Variants in NKD1 observed in about 807,000 individuals in gnomAD.
The protein encoded by NKD1 is NKD inhibitor of Wnt signaling pathway 1.
NKD1 carries 21 observed loss-of-function variants against 56.0 expected under a neutral mutation model. The observed-to-expected ratio is 0.38, with a 90% confidence interval of 0.27 to 0.54. The LOEUF (loss-of-function observed/expected upper bound fraction) is 0.54. Ranked by LOEUF, NKD1 falls within the 20% of genes least tolerant of loss-of-function variation. The pLI, the probability that NKD1 is intolerant of heterozygous loss-of-function variation, is 0.82. For synonymous variants in NKD1, 263 were observed against 265.7 expected, an observed-to-expected ratio of 0.99 and a Z score of 0.10; for missense variants, 578 against 642.7, an observed-to-expected ratio of 0.90 and a Z score of 1.09.
chr16:50,626,411 G>A (rs1022616127), intron 6 of NKD1, among the ~76,000 whole-genome samples: 2 of 152,116 alleles, frequency 1.3e-5, no homozygotes, highest in Admixed American at 1.3e-4. Context: ...ACAGAGACTG[G>A]CTGGAAGGTC....
intron 6 of NKD1, among the ~76,000 whole-genome samples, chr16:50,627,852 C>T (rs1172111957): frequency 1.3e-5 from 2 of 152,222 alleles, no homozygotes; most frequent in Non-Finnish European, 2.9e-5. Context: ...GATCACACAC[C>T]AGGGCTCCAG....
intron 5 of NKD1, among the ~76,000 whole-genome samples, chr16:50,622,926 G>A (rs1480557956): frequency 6.6e-6 from 1 of 152,132 alleles, no homozygotes; most frequent in Non-Finnish European, 1.5e-5. Flanking sequence ...GGGGTGTGGG[G>A]TAACGGACAC....
intron 3 of NKD1, among the ~76,000 whole-genome samples, chr16:50,592,699 T>C (rs1961394752): frequency 6.6e-6 from 1 of 151,658 alleles, no homozygotes; most frequent in Admixed American, 6.6e-5. Context: ...GGATGGCTTC[T>C]CTGAGACTGG....
chr16:50,625,687 CT>C (rs1028859378), intron 6 of NKD1, 107 bp downstream of exon 6: 1 of 733,458 alleles, frequency 1.4e-6, no homozygotes, highest in Admixed American at 2.1e-5. Flanking sequence ...GGTCCTGCCC[CT>C]CAGGGAAGGC....
Position 50,636,773 on chromosome 16 carries a change from A to C in NKD1, c.*2992A>C, listed in dbSNP as rs1962477106. 1 of 152,254 alleles carries C rather than the reference A, an allele frequency of 6.6e-6. No individual in the cohort carries two copies. The highest frequency in any genetic ancestry group is 1.5e-5 in the Non-Finnish European group (1 of 68,050). 9.4% of individuals were successfully genotyped at this position (152,254 alleles called of 1,614,324 possible). ...AATTTTTAAAGTATTTCAAACACAA[A>C]GTTTGAAACAGAAAATTGTGTAACA... is the stretch of plus-strand genomic sequence containing the variant. On this transcript the variant is annotated 3_prime_UTR_variant, in exon 10 of 10. Coordinates refer to ENST00000268459, the MANE Select transcript of NKD1 (RefSeq NM_033119.5).
intron 4 of NKD1, among the ~76,000 whole-genome samples, chr16:50,614,428 C>T (rs1223107656): frequency 6.6e-6 from 1 of 152,066 alleles, no homozygotes; most frequent in Non-Finnish European, 1.5e-5. Flanking sequence ...CGCTCGCTGC[C>T]CCTCTCTCTC....
In NKD1 at chr16:50,632,045, A is replaced by G. The variant is rs944540797; in HGVS notation, c.696-236A>G. ...GAGCAAAACCCCGTCCACTCCTCCC[A>G]GAAGCTGCGGGGAGGTCGGGCTGTG... On this transcript the variant is annotated intron_variant, in intron 8 of 9. Coordinates refer to ENST00000268459, the MANE Select transcript of NKD1 (RefSeq NM_033119.5). This position sits in a 1 kb window ranked among gnomAD's most constrained non-coding sequence, Gnocchi z 4.1. Among the ~76,000 whole-genome samples the G allele has an allele frequency of 6.6e-6, 1 of 152,232 alleles. No homozygotes were observed. The highest frequency in any genetic ancestry group is 2.4e-5 in the African/African-American group (1 of 41,464).
chr16:50,632,817 A>G lies in NKD1; in HGVS notation c.824-375A>G, dbSNP rs928060921. Among the ~76,000 whole-genome samples, 3 of 151,978 alleles carry G rather than the reference A, an allele frequency of 2.0e-5. No individual in the cohort carries two copies. Among genetic ancestry groups the G allele is most frequent in the Non-Finnish European group, 4.4e-5 (3 of 68,002 alleles). Reference sequence around the variant, plus strand: ...ACCTCTTGCTCAATTTCACTCCCACAACTCCCTTCTCCCCTTTCTCTTCAT... The same window carrying G: ...ACCTCTTGCTCAATTTCACTCCCACGACTCCCTTCTCCCCTTTCTCTTCAT... On this transcript the variant is annotated intron_variant, in intron 9 of 9. Coordinates refer to ENST00000268459, the MANE Select transcript of NKD1 (RefSeq NM_033119.5). This position sits in a 1 kb window ranked among gnomAD's most constrained non-coding sequence, Gnocchi z 4.1.
intron 3 of NKD1, chr16:50,553,491 GC>G (rs1960434953): frequency 6.6e-6 from 1 of 152,336 alleles, no homozygotes; most frequent in Admixed American, 6.5e-5. Context: ...TGAGGAGGGT[GC>G]AGGCTTACTT....
intron 6 of NKD1, among the ~76,000 whole-genome samples, chr16:50,627,703 G>A (rs1311958713): frequency 2.6e-5 from 4 of 152,200 alleles, no homozygotes; most frequent in Non-Finnish European, 4.4e-5. Flanking sequence ...CCCTTCAGGC[G>A]TTCGTTCATG....
chr16:50,638,771 G>C lies in NKD1; in HGVS notation c.*4990G>C, dbSNP rs1007052967. 1 of 152,196 alleles carries C rather than the reference G, an allele frequency of 6.6e-6. No individual in the cohort carries two copies. The highest frequency in any genetic ancestry group is 1.5e-5 in the Non-Finnish European group (1 of 68,054). 9.4% of individuals were successfully genotyped at this position (152,196 alleles called of 1,614,324 possible). ...TAGCATCTGCCTCCAGCATGAGAAGGGGGAATAGGTGAGACCCATTTGCCA... is the reference window on the plus strand; with the variant it reads ...TAGCATCTGCCTCCAGCATGAGAAGCGGGAATAGGTGAGACCCATTTGCCA... On this transcript the variant is annotated 3_prime_UTR_variant, in exon 10 of 10. Coordinates refer to ENST00000268459, the MANE Select transcript of NKD1 (RefSeq NM_033119.5).
chr16:50,586,253 T>C (rs1961227329), intron 3 of NKD1, among the ~76,000 whole-genome samples: 1 of 152,146 alleles, frequency 6.6e-6, no homozygotes, highest in Non-Finnish European at 1.5e-5. Context: ...CACTTGTAGA[T>C]ACCAGCACGT....
chr16:50,614,529 A>G (rs982362251), intron 4 of NKD1, among the ~76,000 whole-genome samples: 5 of 152,108 alleles, frequency 3.3e-5, no homozygotes, highest in East Asian at 1.9e-4. Context: ...CTCCCATCCT[A>G]TGAGCACAGC....
At chr16:50,601,274 G>A (rs1301796262) in intron 3 of NKD1, among the ~76,000 whole-genome samples, 1 of 152,228 alleles carries the variant, frequency 6.6e-6, no homozygotes, top group Non-Finnish European at 1.5e-5. Context: ...GATTGCTTCT[G>A]GGAGCTGTGG....
chr16:50,610,632 G>A (rs1961824449), intron 4 of NKD1, among the ~76,000 whole-genome samples: 1 of 152,218 alleles, frequency 6.6e-6, no homozygotes, highest in Non-Finnish European at 1.5e-5. Context: ...ATTGCCTCTT[G>A]GCGGGCTGGA....
rs1160071533 is a variant in NKD1 at position 50,645,550 on chromosome 16, C to G, written c.*11769C>G. The G allele has an allele frequency of 1.3e-5, 2 of 152,192 alleles. No individual in the cohort carries two copies. The highest frequency in any genetic ancestry group is 2.9e-5 in the Non-Finnish European group (2 of 68,100). The allele number at this position is 152,192 out of a possible 1,614,324, so 9.4% of individuals were successfully genotyped here. A position where few individuals can be genotyped will look rare whatever the true frequency, so the allele number is the denominator to read the frequency against. On this transcript the variant is annotated 3_prime_UTR_variant, in exon 10 of 10. Transcript: ENST00000268459. ...AATGGTGGAGAGTCTGCTTGTCACC[C>G]CAAGAGACACATCAGGAAGCTAGGT...
chr16:50,585,400 C>T lies in NKD1; in HGVS notation c.193-22894C>T, dbSNP rs183253644. On this transcript the variant is annotated intron_variant, in intron 3 of 9. Coordinates refer to ENST00000268459, the MANE Select transcript of NKD1 (RefSeq NM_033119.5). Reference sequence around the variant, plus strand: ...CTGGGCTCTGTCAGCCGCATGGAGACGTGAACCCTGCCGGCCAAGGAATTC... The same window carrying T: ...CTGGGCTCTGTCAGCCGCATGGAGATGTGAACCCTGCCGGCCAAGGAATTC... Among the ~76,000 whole-genome samples, 12 of 152,304 alleles carry T rather than the reference C, an allele frequency of 7.9e-5. No homozygotes were observed. The East Asian group carries it at 1.9e-3, about 24-fold the overall frequency.
rs986564505 is a variant in NKD1, at chr16:50,643,237, T to C, written c.*9456T>C. On this transcript the variant is annotated 3_prime_UTR_variant, in exon 10 of 10. Coordinates refer to ENST00000268459, the MANE Select transcript of NKD1 (RefSeq NM_033119.5). ...TGCACCCAGCCCACATTCACTAGTGTCCTCAAAACAGCCTTGAGAGGAAAC... is the reference window on the plus strand; with the variant it reads ...TGCACCCAGCCCACATTCACTAGTGCCCTCAAAACAGCCTTGAGAGGAAAC... 6.6e-6 allele frequency: 1 copy of C among 152,252 alleles called. No individual in the cohort carries two copies. The highest frequency in any genetic ancestry group is 1.9e-4 in the East Asian group (1 of 5,204). 9.4% of individuals were successfully genotyped at this position (152,252 alleles called of 1,614,324 possible).
chr16:50,583,323 C>A (rs571605368), intron 3 of NKD1, among the ~76,000 whole-genome samples: 4 of 152,178 alleles, frequency 2.6e-5, no homozygotes, highest in African/African-American at 9.7e-5. Context: ...GGAGAGGTCA[C>A]GTGGAGAGTG....
Sources: gnomAD v4.1 joint callset for allele counts (sites outside exome capture counted in the v4.1 genomes callset) on GRCh38, gnomAD v4.1.1 for gene constraint, Gnocchi (gnomAD v3.1) non-coding constraint, MANE v1.5 for transcripts, NCBI Gene and HGNC (gene_info 2026-07-23, HGNC 2026-07-21) for gene names.